Variants in CIT observed in about 807,000 individuals in gnomAD.
CIT encodes citron Rho-interacting kinase.
Under a neutral mutation model 272.7 loss-of-function variants are expected in CIT, and 79 were observed. The ratio of observed to expected loss-of-function variants is 0.29; its 90% confidence interval spans 0.24 to 0.35. The LOEUF (loss-of-function observed/expected upper bound fraction) is 0.35. Among genes scored for constraint, CIT ranks in the 10% least tolerant of loss-of-function variants. CIT has a pLI of 1.00. For missense variants in CIT, 1,909 were observed against 2,618.3 expected, an observed-to-expected ratio of 0.73 and a Z score of 5.91; for synonymous variants, 948 against 995.6, an observed-to-expected ratio of 0.95 and a Z score of 0.90.
intron 8 of CIT, among the ~76,000 whole-genome samples, 157 bp downstream of exon 8, chr12:119,825,008 G>C (rs1968048136): frequency 6.6e-6 from 1 of 152,114 alleles, no homozygotes; most frequent in Admixed American, 6.5e-5. Flanking sequence ...CACCATGTTA[G>C]CCAGGATGGT....
chr12:119,828,477 C>T (rs760029495), intron 7 of CIT, among the ~76,000 whole-genome samples: 26 of 152,038 alleles, frequency 1.7e-4, no homozygotes, highest in African/African-American at 2.7e-4. Context: ...CAGCTAATCT[C>T]GGTGAGATAT....
intron 9 of CIT, among the ~76,000 whole-genome samples, chr12:119,816,648 G>A (rs753826271): frequency 5.9e-5 from 9 of 152,136 alleles, no homozygotes; most frequent in Non-Finnish European, 1.2e-4. Flanking sequence ...GCCGGTCCAC[G>A]GACCACACTC....
chr12:119,711,030 C>T (rs375471904), intron 37 of CIT: 20 of 1,367,580 alleles, frequency 1.5e-5, no homozygotes, highest in Admixed American at 5.7e-5. Context: ...CGAGCCAGCA[C>T]GCCTCTGCAT....
Position 119,735,373 on chromosome 12 carries a change from A to G in CIT, c.2959-16T>C. The G allele has an allele frequency of 6.2e-7, 1 of 1,613,156 alleles. No individual in the cohort carries two copies. Among genetic ancestry groups the G allele is most frequent in the Non-Finnish European group, 8.5e-7 (1 of 1,179,096 alleles). On this transcript the variant is annotated splice_polypyrimidine_tract_variant and intron_variant, in intron 24 of 47. Coordinates refer to ENST00000392521, the MANE Select transcript of CIT (RefSeq NM_001206999.2). ...CTGTGATTACCTAAAAGAGGAAAGG[A>G]ATCCAGTTACACGCCAAGCACATTC...
intron 37 of CIT, among the ~76,000 whole-genome samples, chr12:119,711,639 A>G (rs1035637512): frequency 2.0e-5 from 3 of 152,152 alleles, no homozygotes; most frequent in Non-Finnish European, 2.9e-5. Flanking sequence ...TAGGCTACTG[A>G]TGCCGATTCC....
chr12:119,825,487 T>G, intron 7 of CIT, 119 bp from the exon 8 acceptor site: 1 of 856,844 alleles, frequency 1.2e-6, no homozygotes, highest in Non-Finnish European at 1.8e-6. Flanking sequence ...CCCAGGCACT[T>G]AAACCAGCTG....
intron 16 of CIT, among the ~76,000 whole-genome samples, chr12:119,773,502 A>G (rs203335): frequency 0.51 from 76,688 of 151,730 alleles, 19,601 homozygotes; most frequent in Admixed American, 0.58. Flanking sequence ...GCGCAATCTC[A>G]GCTCACTGCA....
intron 9 of CIT, among the ~76,000 whole-genome samples, chr12:119,814,951 T>C (rs1379037526): frequency 6.6e-6 from 1 of 151,186 alleles, no homozygotes; most frequent in African/African-American, 2.4e-5. Context: ...GGCAGGAGAA[T>C]TGCTTGAACC....
At chr12:119,725,116 T>C (rs1958019352) in intron 28 of CIT, among the ~76,000 whole-genome samples, 1 of 152,070 alleles carries the variant, frequency 6.6e-6, no homozygotes, top group South Asian at 2.1e-4. Flanking sequence ...ACTTTGATTC[T>C]GGCTCCATTT....
At chr12:119,736,735 C>T (rs1262809553) in intron 24 of CIT, among the ~76,000 whole-genome samples, 10 of 152,210 alleles carry the variant, frequency 6.6e-5, no homozygotes, top group Admixed American at 6.5e-4. Flanking sequence ...CTTTCCCTTT[C>T]TGTGGCATGT....
intron 24 of CIT, among the ~76,000 whole-genome samples, chr12:119,740,986 T>C (rs74931592): frequency 0.027 from 4,079 of 152,252 alleles, 184 homozygotes; most frequent in African/African-American, 0.093. Context: ...CTAGTAATTC[T>C]TGGGGATATG....
chr12:119,709,252 C>T (rs1342925511), intron 39 of CIT, among the ~76,000 whole-genome samples: 1 of 151,820 alleles, frequency 6.6e-6, no homozygotes, highest in African/African-American at 2.4e-5. Context: ...TGTATACCAC[C>T]AAGAAAGAAC....
At chr12:119,689,143 C>T (rs543977504) in intron 47 of CIT, among the ~76,000 whole-genome samples, 56 of 151,978 alleles carry the variant, frequency 3.7e-4, no homozygotes, top group Middle Eastern at 3.4e-3. Context: ...CACACCACTG[C>T]ACTCCAGCCT....
chr12:119,769,955 T>G (rs1182370116), intron 18 of CIT, among the ~76,000 whole-genome samples: 1 of 152,156 alleles, frequency 6.6e-6, no homozygotes, highest in East Asian at 1.9e-4. Flanking sequence ...CTCACGACCT[T>G]GCCTCCTTAG....
At position 119,804,139 on chromosome 12, in the gene CIT, C is replaced by G; in HGVS notation, c.1112-750G>C. ...CCTGCGCGCTGACGGTGGGAATGCA[C>G]GGATGGACATATGCGGCTCCTACCT... On this transcript the variant is annotated intron_variant, in intron 9 of 47. Coordinates refer to ENST00000392521, the MANE Select transcript of CIT (RefSeq NM_001206999.2). The surrounding 1 kb of genome is among the most constrained non-coding windows in gnomAD (Gnocchi z 5.3). 4.1e-6 allele frequency: 4 copies of G among 984,514 alleles called. No homozygotes were observed. The highest frequency in any genetic ancestry group is 4.8e-6 in the Non-Finnish European group (4 of 829,118). The allele number at this position is 984,514 out of a possible 1,614,324, so 61.0% of individuals were successfully genotyped here. A position where few individuals can be genotyped will look rare whatever the true frequency, so the allele number is the denominator to read the frequency against.
chr12:119,840,546 C>T (rs1969341255), intron 5 of CIT, among the ~76,000 whole-genome samples: 1 of 152,158 alleles, frequency 6.6e-6, no homozygotes, highest in African/African-American at 2.4e-5. Context: ...GGCAACAATA[C>T]ACTCAGCAAT....
In CIT at chr12:119,693,171, C is replaced by A. The variant is rs1053717840; in HGVS notation, c.5883-2717G>T. Among the ~76,000 whole-genome samples, 3 of 152,306 alleles carry A rather than the reference C, an allele frequency of 2.0e-5. 1 individual carries two copies. In the South Asian group the frequency reaches 6.2e-4, roughly 32 times the overall value. On this transcript the variant is annotated intron_variant, in intron 46 of 47. Transcript: ENST00000392521. ...GAAGGAACACACCCGTCATTCCAAG[C>A]CAAGTGGGCAGTCTTCCATCTCCTT...
chr12:119,802,558 G>C (rs184111572), intron 10 of CIT, among the ~76,000 whole-genome samples: 31 of 152,134 alleles, frequency 2.0e-4, no homozygotes, highest in African/African-American at 2.4e-5. Context: ...CAATGACTCG[G>C]CTACATCACA....
chr12:119,783,857 C>A, intron 12 of CIT, 51 bp downstream of exon 12: 1 of 1,530,020 alleles, frequency 6.5e-7, no homozygotes, highest in Admixed American at 2.1e-5. Flanking sequence ...ATGAGACACA[C>A]ACAACAGGAA....
Sources: allele counts gnomAD v4.1 joint callset (sites outside exome capture counted in the v4.1 genomes callset), GRCh38; gene constraint gnomAD v4.1.1; non-coding constraint Gnocchi (gnomAD v3.1); transcripts MANE v1.5; gene names NCBI Gene and HGNC (gene_info 2026-07-23, HGNC 2026-07-21).